MAST4: variants seen among roughly 807,000 people sequenced by gnomAD.
MAST4 encodes microtubule associated serine/threonine kinase family member 4.
A neutral mutation model predicts 162.7 loss-of-function variants in MAST4; 89 were observed. That is an observed-to-expected ratio of 0.55 (90% CI 0.46 to 0.65). The LOEUF (loss-of-function observed/expected upper bound fraction) is 0.65. Ranked by LOEUF, MAST4 falls within the 30% of genes least tolerant of loss-of-function variation. MAST4 has a pLI of 0.00. For missense variants in MAST4, 3,153 were observed against 3,374.0 expected (o/e 0.93, Z 1.62); for synonymous variants, 1,479 against 1,361.1 (o/e 1.09, Z -1.91).
At chr5:67,055,999 G>GATATATAT (rs59787536) in intron 5 of MAST4, among the ~76,000 whole-genome samples, 1,979 of 145,488 alleles carry the variant, frequency 0.014, 24 homozygotes, top group South Asian at 0.033. Context: ...TTTGTTTAGG[G>GATATATAT]ATATATATAT....
At position 66,612,685 on chromosome 5, in the gene MAST4, G is replaced by A. The variant is rs111994074; in HGVS notation, c.363+15667G>A. ...TGTGAGTTAAGCTGAAAGTGCCTAC[G>A]GGGAGGGAACCAACCTGATGGATTT... On this transcript the variant is annotated intron_variant, in intron 1 of 28. Coordinates refer to ENST00000403625, the MANE Select transcript of MAST4 (RefSeq NM_001164664.2). Among the ~76,000 whole-genome samples, 416 of 152,288 alleles carry A rather than the reference G, an allele frequency of 2.7e-3. 5 individuals are homozygous for A. The highest frequency in any genetic ancestry group is 8.9e-3 in the African/African-American group (370 of 41,560).
intron 4 of MAST4, among the ~76,000 whole-genome samples, chr5:66,962,908 A>C (rs1746188772): frequency 6.6e-6 from 1 of 152,172 alleles, no homozygotes; most frequent in African/African-American, 2.4e-5. Flanking sequence ...CTATTGGTTA[A>C]ATTGTTGTAC....
intron 1 of MAST4, among the ~76,000 whole-genome samples, chr5:66,643,770 A>G (rs1456344711): frequency 6.6e-6 from 1 of 151,958 alleles, no homozygotes; most frequent in Non-Finnish European, 1.5e-5. Flanking sequence ...TGTTTAAGTC[A>G]TGATTAAGTT....
At chr5:67,106,675 T>C (rs189455342) in intron 10 of MAST4, among the ~76,000 whole-genome samples, 7 of 152,324 alleles carry the variant, frequency 4.6e-5, no homozygotes, top group African/African-American at 1.4e-4. Flanking sequence ...TAAAACTCTT[T>C]ATTGGCTCTA....
chr5:67,080,548 T>C (rs1342352174), intron 5 of MAST4, among the ~76,000 whole-genome samples: 6 of 152,138 alleles, frequency 3.9e-5, no homozygotes, highest in Admixed American at 2.6e-4. Flanking sequence ...ACTAAAGATA[T>C]CATGGATGCA....
At chr5:66,623,298 A>G (rs958135101) in intron 1 of MAST4, 1 of 152,304 alleles carries the variant, frequency 6.6e-6, no homozygotes, top group Non-Finnish European at 1.5e-5. Context: ...TTATGAGGCC[A>G]GTGTCACCCT....
At chr5:66,623,636 A>G (rs536249024) in intron 1 of MAST4, among the ~76,000 whole-genome samples, 13 of 152,366 alleles carry the variant, frequency 8.5e-5, no homozygotes, top group Admixed American at 2.6e-4. Flanking sequence ...AGTAAAAGCC[A>G]TATATGAAGG....
At chr5:67,030,639 C>T (rs1287306500) in intron 4 of MAST4, among the ~76,000 whole-genome samples, 1 of 152,096 alleles carries the variant, frequency 6.6e-6, no homozygotes, top group Non-Finnish European at 1.5e-5. Flanking sequence ...TTAAGCCCTT[C>T]CATTCTGTTG....
intron 3 of MAST4, among the ~76,000 whole-genome samples, chr5:66,870,115 G>A (rs1760819187): frequency 1.3e-5 from 2 of 152,168 alleles, no homozygotes; most frequent in African/African-American, 4.8e-5. Context: ...ATATGTATAT[G>A]AGGGCATTAA....
At chr5:66,597,877 G>T (rs1742303915) in intron 1 of MAST4, among the ~76,000 whole-genome samples, 1 of 151,526 alleles carries the variant, frequency 6.6e-6, no homozygotes, top group Admixed American at 6.6e-5. Context: ...AATTCTTCAC[G>T]TCTCAGAGCC....
rs1177490520 is a variant in MAST4, at chr5:67,167,725, T to G, written c.*674T>G. 2 of 152,240 alleles carry G rather than the reference T, an allele frequency of 1.3e-5. No individual in the cohort carries two copies. Among genetic ancestry groups the G allele is most frequent in the African/African-American group, 4.8e-5 (2 of 41,468 alleles). 9.4% of individuals were successfully genotyped at this position (152,240 alleles called of 1,614,324 possible). A position where few individuals can be genotyped will look rare whatever the true frequency, so the allele number is the denominator to read the frequency against. ...GATCTAAAGCAAGAACTACTCTAAG[T>G]ACTGCATTTGGAATCCTCCTCCATT... On this transcript the variant is annotated 3_prime_UTR_variant, in exon 29 of 29. Transcript: ENST00000403625.
intron 16 of MAST4, among the ~76,000 whole-genome samples, chr5:67,132,721 C>A (rs1363409456): frequency 6.6e-6 from 1 of 151,920 alleles, no homozygotes; most frequent in Non-Finnish European, 1.5e-5. Flanking sequence ...CCTCTAAAAG[C>A]ATTACATATT....
intron 1 of MAST4, among the ~76,000 whole-genome samples, chr5:66,674,231 G>C (rs1747808696): frequency 6.6e-6 from 1 of 152,186 alleles, no homozygotes; most frequent in African/African-American, 2.4e-5. Flanking sequence ...CTGGAATAAA[G>C]TGTGATGACT....
chr5:66,839,963 C>T (rs561129665), intron 3 of MAST4, among the ~76,000 whole-genome samples: 30 of 151,676 alleles, frequency 2.0e-4, no homozygotes, highest in African/African-American at 7.2e-4. Flanking sequence ...ATCATATTGA[C>T]AATTTTTTTT....
intron 26 of MAST4, among the ~76,000 whole-genome samples, chr5:67,154,004 G>A (rs1458455449): frequency 6.6e-6 from 1 of 152,104 alleles, no homozygotes; most frequent in Non-Finnish European, 1.5e-5. Flanking sequence ...TCCTTTGAAA[G>A]ATAAAATTGT....
chr5:67,094,972 G>C (rs954577634), intron 6 of MAST4, among the ~76,000 whole-genome samples: 2 of 152,186 alleles, frequency 1.3e-5, no homozygotes, highest in Non-Finnish European at 2.9e-5. Context: ...TCTGCAGGAG[G>C]CTTTGCTGTA....
intron 4 of MAST4, among the ~76,000 whole-genome samples, chr5:66,963,313 C>T (rs924793450): frequency 3.6e-4 from 55 of 152,128 alleles, no homozygotes; most frequent in African/African-American, 1.3e-3. Context: ...ATGTTAGTTG[C>T]TTTGCTTTGT....
chr5:67,072,542 A>G (rs1761111241), intron 5 of MAST4, among the ~76,000 whole-genome samples: 1 of 152,262 alleles, frequency 6.6e-6, no homozygotes, highest in Non-Finnish European at 1.5e-5. Flanking sequence ...CAGATAACAC[A>G]TAAAATGGAA....
chr5:67,038,877 G>A (rs1194483168), intron 4 of MAST4, among the ~76,000 whole-genome samples: 1 of 152,122 alleles, frequency 6.6e-6, no homozygotes, highest in Non-Finnish European at 1.5e-5. Context: ...AAACATTGCA[G>A]CCTTTTGTAA....
Sources: allele counts gnomAD v4.1 joint callset (sites outside exome capture counted in the v4.1 genomes callset), GRCh38; gene constraint gnomAD v4.1.1; transcripts MANE v1.5; gene names NCBI Gene and HGNC (gene_info 2026-07-23, HGNC 2026-07-21).